INPP5A: variants seen among roughly 807,000 people sequenced by gnomAD.
INPP5A encodes the protein inositol polyphosphate-5-phosphatase A.
In INPP5A, 14 loss-of-function variants were observed where a neutral mutation model predicts 65.2. The ratio of observed to expected loss-of-function variants is 0.21; its 90% CI spans 0.14 to 0.34. The LOEUF (loss-of-function observed/expected upper bound fraction) is 0.34, where lower values mean the gene tolerates loss of function less well. Among genes scored for constraint, INPP5A ranks in the 10% least tolerant of loss-of-function variants. The pLI is 1.00. For missense variants in INPP5A, 431 were observed against 545.6 expected (o/e 0.79, Z 2.09); for synonymous variants, 207 against 208.3 (o/e 0.99, Z 0.05).
intron 9 of INPP5A, among the ~76,000 whole-genome samples, chr10:132,738,468 G>T (rs1241862816): frequency 6.6e-6 from 1 of 152,196 alleles, no homozygotes; most frequent in Non-Finnish European, 1.5e-5. Flanking sequence ...TGTCCGGGAG[G>T]AGCCACCCAG....
At position 132,587,424 on chromosome 10, in the gene INPP5A, C is replaced by T. The variant is rs1448573654; in HGVS notation, c.76-20491C>T. Reference sequence around the variant, plus strand: ...GTGCTCTGTGGGGCTGGCAGGGATCCTGGCATGGCCTGTGTGATTCGAGGT... The same window carrying T: ...GTGCTCTGTGGGGCTGGCAGGGATCTTGGCATGGCCTGTGTGATTCGAGGT... On this transcript the variant is annotated intron_variant, in intron 1 of 15. Transcript: ENST00000368594. The surrounding 1 kb of genome is among the most constrained non-coding windows in gnomAD (Gnocchi z 4.3). Among the ~76,000 whole-genome samples the T allele has an allele frequency of 1.3e-5, 2 of 152,200 alleles. No individual in the cohort carries two copies. The highest frequency in any genetic ancestry group is 2.4e-5 in the African/African-American group (1 of 41,446).
intron 1 of INPP5A, among the ~76,000 whole-genome samples, chr10:132,553,784 T>C (rs1267452141): frequency 1.1e-4 from 14 of 126,416 alleles, no homozygotes; most frequent in Admixed American, 4.9e-4. Context: ...GGAGGGAGGA[T>C]TGGTGAACGC....
intron 13 of INPP5A, among the ~76,000 whole-genome samples, chr10:132,778,637 T>C (rs1291264257): frequency 2.0e-5 from 3 of 152,206 alleles, no homozygotes; most frequent in Non-Finnish European, 4.4e-5. Flanking sequence ...CCGGGGCCTC[T>C]GAACATAACG....
chr10:132,760,058 G>A lies in INPP5A; in HGVS notation c.904-5715G>A, dbSNP rs563198399. On this transcript the variant is annotated intron_variant, in intron 11 of 15. Coordinates refer to ENST00000368594, the MANE Select transcript of INPP5A (RefSeq NM_005539.5). ...ACCCACCCTGGGCGATAGCCACACC[G>A]TGCAGGAAGCCCGGTGCTCTGCTCT... 1.8e-4 allele frequency among the ~76,000 whole-genome samples: 27 copies of A among 152,328 alleles called. No individual in the cohort carries two copies. The South Asian group carries it at 5.0e-3, about 28-fold the overall frequency.
At chr10:132,779,946 G>T (rs556948706) in intron 13 of INPP5A, among the ~76,000 whole-genome samples, 50 of 152,390 alleles carry the variant, frequency 3.3e-4, no homozygotes, top group African/African-American at 1.2e-3. Context: ...AGATTATGCA[G>T]TTGAAAATCC....
chr10:132,774,622 C>T (rs937209893), intron 12 of INPP5A, among the ~76,000 whole-genome samples: 33 of 152,156 alleles, frequency 2.2e-4, no homozygotes, highest in Admixed American at 1.8e-3. Flanking sequence ...AAGACCTCGA[C>T]ATAGCCGGGC....
intron 11 of INPP5A, among the ~76,000 whole-genome samples, chr10:132,764,681 ACGGC>A (rs1295650450): frequency 3.8e-5 from 5 of 130,898 alleles, no homozygotes; most frequent in Admixed American, 2.4e-4. Context: ...ACTCAGAAAC[ACGGC>A]CGGGTCAGTC....
At chr10:132,763,146 A>G (rs913723225) in intron 11 of INPP5A, among the ~76,000 whole-genome samples, 2 of 152,220 alleles carry the variant, frequency 1.3e-5, no homozygotes, top group Admixed American at 6.5e-5. Context: ...ATAGAGATTC[A>G]GGGAACCTGC....
intron 1 of INPP5A, among the ~76,000 whole-genome samples, chr10:132,563,775 C>T (rs116263029): frequency 5.3e-4 from 80 of 152,300 alleles, no homozygotes; most frequent in Middle Eastern, 6.8e-3. Flanking sequence ...GTTTTCCTTG[C>T]GCTTGCTGGT....
In INPP5A at chr10:132,659,064, G is replaced by C. The variant is rs1000823577; in HGVS notation, c.306+8559G>C. 2.0e-5 allele frequency among the ~76,000 whole-genome samples: 3 copies of C among 151,888 alleles called. No homozygotes were observed. Among genetic ancestry groups the C allele is most frequent in the Non-Finnish European group, 4.4e-5 (3 of 68,026 alleles). On this transcript the variant is annotated intron_variant, in intron 4 of 15. Coordinates refer to ENST00000368594, the MANE Select transcript of INPP5A (RefSeq NM_005539.5). The surrounding 1 kb of genome is among the most constrained non-coding windows in gnomAD (Gnocchi z 5.5). ...CAAGGCTACCGACCTGGGCCCTGGG[G>C]ATGAGCAGCCCAGGAGGCGAAGATG...
At chr10:132,700,038 G>A (rs911869855) in intron 6 of INPP5A, among the ~76,000 whole-genome samples, 2 of 152,184 alleles carry the variant, frequency 1.3e-5, no homozygotes, top group African/African-American at 4.8e-5. Flanking sequence ...CTGCTGGCAT[G>A]GGTCTGTGGA....
intron 1 of INPP5A, among the ~76,000 whole-genome samples, chr10:132,579,383 G>A (rs2071452711): frequency 2.6e-5 from 4 of 152,060 alleles, no homozygotes; most frequent in Admixed American, 2.0e-4. Context: ...GAGTCCCCCC[G>A]CCCCAGTACT....
intron 1 of INPP5A, among the ~76,000 whole-genome samples, chr10:132,579,949 G>A (rs1442139757): frequency 7.1e-5 from 10 of 141,562 alleles, no homozygotes; most frequent in African/African-American, 2.6e-4. Flanking sequence ...ATGGAGTCTT[G>A]CTATCTTGCC....
At position 132,676,022 on chromosome 10, in the gene INPP5A, T is replaced by C. The variant is rs1178962322; in HGVS notation, c.307-14370T>C. On this transcript the variant is annotated intron_variant, in intron 4 of 15. Coordinates refer to ENST00000368594, the MANE Select transcript of INPP5A (RefSeq NM_005539.5). The surrounding 1 kb of genome is among the most constrained non-coding windows in gnomAD (Gnocchi z 4.0). The stretch of plus-strand genomic sequence containing the variant: ...GAACCATTTTAATTAGGATGCAAAC[T>C]CCTTACATAATTTAATTGGCATAAA... Among the ~76,000 whole-genome samples, 1 of 152,208 alleles carries C rather than the reference T, an allele frequency of 6.6e-6. No homozygotes were observed. The highest frequency in any genetic ancestry group is 3.2e-3 in the Middle Eastern group (1 of 316).
chr10:132,590,521 G>A (rs1054841162), intron 1 of INPP5A, among the ~76,000 whole-genome samples: 1 of 152,174 alleles, frequency 6.6e-6, no homozygotes, highest in Non-Finnish European at 1.5e-5. Context: ...ATTGCGACAC[G>A]TGTAAAGATG....
intron 13 of INPP5A, among the ~76,000 whole-genome samples, chr10:132,779,878 G>A (rs1221154412): frequency 2.0e-5 from 3 of 152,156 alleles, no homozygotes; most frequent in Non-Finnish European, 1.5e-5. Flanking sequence ...GGTGACAAGT[G>A]TTCAGTGAGG....
intron 2 of INPP5A, among the ~76,000 whole-genome samples, chr10:132,609,903 A>G (rs754030758): frequency 6.6e-6 from 1 of 152,206 alleles, no homozygotes; most frequent in Non-Finnish European, 1.5e-5. Context: ...TGGCCTCCCA[A>G]AGTGCTGGGA....
At chr10:132,750,826 C>G (rs1268803637) in intron 11 of INPP5A, among the ~76,000 whole-genome samples, 1 of 152,216 alleles carries the variant, frequency 6.6e-6, no homozygotes, top group Non-Finnish European at 1.5e-5. Flanking sequence ...CAGGTGGCCC[C>G]TGTCCTCAGG....
chr10:132,739,213 C>T (rs530350647), intron 9 of INPP5A, among the ~76,000 whole-genome samples: 53 of 152,372 alleles, frequency 3.5e-4, no homozygotes, highest in African/African-American at 1.2e-3. Flanking sequence ...CACCATGGCA[C>T]ACTTTACAGA....
Sources: allele counts gnomAD v4.1 joint callset (sites outside exome capture counted in the v4.1 genomes callset), GRCh38; gene constraint gnomAD v4.1.1; non-coding constraint Gnocchi (gnomAD v3.1); transcripts MANE v1.5; gene names NCBI Gene and HGNC (gene_info 2026-07-23, HGNC 2026-07-21).